DDX50: variants seen among roughly 807,000 people sequenced by gnomAD.
DDX50 encodes the protein ATP-dependent RNA helicase DDX50.
Under a neutral mutation model 94.8 loss-of-function variants are expected in DDX50, and 56 were observed. The observed-to-expected ratio is 0.59, with a 90% CI of 0.48 to 0.74. The LOEUF is 0.74. DDX50 is among the 30% of genes least tolerant of loss of function. The probability of loss-of-function intolerance (pLI) is 0.00; values close to 1 mark genes in which losing one functional copy is unlikely to be tolerated. For missense variants in DDX50, 713 were observed against 881.2 expected, an observed-to-expected ratio of 0.81 and a Z score of 2.42; for synonymous variants, 264 against 295.4, an observed-to-expected ratio of 0.89 and a Z score of 1.09.
intron 8 of DDX50, among the ~76,000 whole-genome samples, chr10:68,932,478 T>C (rs1842298159): frequency 2.0e-5 from 3 of 152,300 alleles, no homozygotes; most frequent in African/African-American, 4.8e-5. Context: ...CAGGCTGGTC[T>C]TGAACTCCTG....
At position 68,936,989 on chromosome 10, in the gene DDX50, A is replaced by G; in HGVS notation, c.1649A>G (p.Gln550Arg). 1.2e-6 allele frequency: 2 copies of G among 1,611,782 alleles called. No homozygotes were observed. Among genetic ancestry groups the G allele is most frequent in the South Asian group, 1.1e-5 (1 of 90,940 alleles). The change falls in exon 12 of 15, where the codon CAG becomes CGG. Residue 550 changes from glutamine (Q) to arginine (R), a missense_variant. Coordinates refer to ENST00000373585, the MANE Select transcript of DDX50 (RefSeq NM_024045.2). The stretch of plus-strand genomic sequence containing the variant: ...GTTGATTTTTTCCGACCATCAGCTC[A>G]GAGACTGATAGAAGAGAAAGGTGCA... ...AAVDFFRPSAQRLIEEKGAVD... is the reference protein window; with the variant it reads ...AAVDFFRPSARRLIEEKGAVD...
At chr10:68,921,330 T>C (rs1437639830) in intron 8 of DDX50, among the ~76,000 whole-genome samples, 7 of 152,208 alleles carry the variant, frequency 4.6e-5, no homozygotes, top group African/African-American at 1.7e-4. Context: ...GGTTTTTACA[T>C]TGTGTGATTA....
chr10:68,925,722 A>C (rs1407124242), intron 8 of DDX50, among the ~76,000 whole-genome samples: 1 of 152,032 alleles, frequency 6.6e-6, no homozygotes, highest in African/African-American at 2.4e-5. Context: ...AAAAGTTAAA[A>C]ATTAGCCAGG....
chr10:68,911,070 C>T lies in DDX50; in HGVS notation c.463C>T (p.Arg155Ter), dbSNP rs142295291. 3 of 1,526,814 alleles carry T rather than the reference C, an allele frequency of 2.0e-6. No homozygotes were observed. The highest frequency in any genetic ancestry group is 1.8e-6 in the Non-Finnish European group (2 of 1,140,592). 94.6% of individuals were successfully genotyped at this position (1,526,814 alleles called of 1,614,324 possible). A position where few individuals can be genotyped will look rare whatever the true frequency, so the allele number is the denominator to read the frequency against. Residue 155 changes from arginine (R) to a stop codon, truncating the protein, a stop_gained and splice_region_variant, in exon 4 of 15, where the codon CGA (arginine) becomes TGA (stop). Coordinates refer to ENST00000373585, the MANE Select transcript of DDX50 (RefSeq NM_024045.2). LOFTEE classifies it high-confidence loss of function. Reference sequence around the variant, plus strand: ...TTTAATTAAATCTCATTTTACAGGTCGAGGGGTAACATATCTCTTTCCTAT... The same window carrying T: ...TTTAATTAAATCTCATTTTACAGGTTGAGGGGTAACATATCTCTTTCCTAT... ...SEETIKLLKG[R>*]GVTYLFPIQV... is the part of the protein sequence containing the mutation.
intron 8 of DDX50, among the ~76,000 whole-genome samples, chr10:68,929,288 CCTTCCT>C (rs1376480136): frequency 2.3e-4 from 18 of 78,588 alleles, no homozygotes; most frequent in Non-Finnish European, 3.2e-4. Flanking sequence ...TTCCTTCCTT[CCTTCCT>C]CTCTCTCTCT....
At chr10:68,908,051 C>T (rs1841508344) in intron 2 of DDX50, among the ~76,000 whole-genome samples, 1 of 151,996 alleles carries the variant, frequency 6.6e-6, no homozygotes. Context: ...TCCTAAATGT[C>T]TGATAGTAGA....
chr10:68,917,193 C>A (rs1328499807), intron 7 of DDX50, among the ~76,000 whole-genome samples: 1 of 151,812 alleles, frequency 6.6e-6, no homozygotes, highest in African/African-American at 2.4e-5. Flanking sequence ...GGCGCAGTGG[C>A]TCACACCTAT....
At chr10:68,939,625 C>T (rs922427941) in intron 12 of DDX50, among the ~76,000 whole-genome samples, 3 of 152,136 alleles carry the variant, frequency 2.0e-5, no homozygotes, top group African/African-American at 7.2e-5. Flanking sequence ...TACATACTTT[C>T]ATTGTCTTGA....
At chr10:68,922,489 T>A (rs1841967690) in intron 8 of DDX50, among the ~76,000 whole-genome samples, 1 of 152,196 alleles carries the variant, frequency 6.6e-6, no homozygotes, top group Non-Finnish European at 1.5e-5. Context: ...TTGTTCTTTA[T>A]TACAGCATTA....
At chr10:68,941,274 C>A in intron 13 of DDX50, 80 bp downstream of exon 13, 3 of 1,547,826 alleles carry the variant, frequency 1.9e-6, no homozygotes, top group Non-Finnish European at 2.6e-6. Context: ...TTTGTTCTTT[C>A]TCTTTGAAGC....
chr10:68,939,793 A>G (rs1842513618), intron 12 of DDX50, among the ~76,000 whole-genome samples: 2 of 151,976 alleles, frequency 1.3e-5, no homozygotes, highest in African/African-American at 4.8e-5. Flanking sequence ...CCTGTTCGTG[A>G]CGCTTATTAC....
chr10:68,924,346 A>G (rs149209003), intron 8 of DDX50, among the ~76,000 whole-genome samples: 2 of 152,130 alleles, frequency 1.3e-5, no homozygotes, highest in African/African-American at 2.4e-5. Flanking sequence ...CACAGACACA[A>G]TAATAGCACA....
At chr10:68,905,235 A>G (rs1321547446) in intron 1 of DDX50, among the ~76,000 whole-genome samples, 1 of 152,148 alleles carries the variant, frequency 6.6e-6, no homozygotes, top group African/African-American at 2.4e-5. Context: ...AAAGTCCTAA[A>G]TTCCCAAATC....
In DDX50 at chr10:68,901,422, TG is replaced by T. The variant is rs1564596007; in HGVS notation, c.40del (p.Glu14LysfsTer53). The T allele has an allele frequency of 6.3e-7, 1 of 1,575,280 alleles. No individual in the cohort carries two copies. The highest frequency in any genetic ancestry group is 8.6e-7 in the Non-Finnish European group (1 of 1,161,126). ...CTCCTCTGGGGGGACATTATGGAGC[TG>T]GAAGCACCCTTGGAGGAGTCCGAGA... ...GKLLWGDIME[L>X]EAPLEESESQ... On this transcript the variant is annotated frameshift_variant, in exon 1 of 15. Coordinates refer to ENST00000373585, the MANE Select transcript of DDX50 (RefSeq NM_024045.2). LOFTEE classifies it high-confidence loss of function.
chr10:68,945,559 G>A (rs1339395366), intron 14 of DDX50, among the ~76,000 whole-genome samples: 3 of 152,010 alleles, frequency 2.0e-5, no homozygotes, highest in Admixed American at 6.6e-5. Context: ...TGCCCGCCTC[G>A]GCCTCCCAAA....
At chr10:68,920,269 C>T (rs1274685546) in intron 8 of DDX50, among the ~76,000 whole-genome samples, 1 of 152,120 alleles carries the variant, frequency 6.6e-6, no homozygotes, top group Non-Finnish European at 1.5e-5. Flanking sequence ...TCAGGTGATT[C>T]TCCCACCCCA....
intron 1 of DDX50, 49 bp from the exon 2 acceptor site, chr10:68,906,662 A>G (rs181096921): frequency 6.3e-7 from 1 of 1,580,396 alleles, no homozygotes; most frequent in East Asian, 2.2e-5. Flanking sequence ...CTAGAGTCTT[A>G]AAAGAAAACC....
At chr10:68,923,183 A>G in intron 8 of DDX50, among the ~76,000 whole-genome samples, 1 of 143,146 alleles carries the variant, frequency 7.0e-6, no homozygotes, top group East Asian at 2.0e-4. Context: ...AAACTTTTAT[A>G]TATTATTTAT....
At chr10:68,928,030 A>C (rs2894071) in intron 8 of DDX50, among the ~76,000 whole-genome samples, 17,938 of 152,246 alleles carry the variant, frequency 0.12, 1,343 homozygotes, top group Admixed American at 0.18. Context: ...CTTTAAAATA[A>C]ATGAATAATA....
Sources: allele counts gnomAD v4.1 joint callset (sites outside exome capture counted in the v4.1 genomes callset), GRCh38; gene constraint gnomAD v4.1.1; transcripts MANE v1.5; gene names NCBI Gene and HGNC (gene_info 2026-07-23, HGNC 2026-07-21).